Variants in STXBP5L observed in about 807,000 individuals in gnomAD.
STXBP5L encodes syntaxin-binding protein 5-like.
STXBP5L carries 65 observed loss-of-function variants against 144.5 expected under a neutral mutation model. That is an observed-to-expected ratio of 0.45 (90% confidence interval 0.37 to 0.55). The LOEUF is 0.55. Ranked by LOEUF, STXBP5L falls within the 20% of genes least tolerant of loss-of-function variation. STXBP5L has a pLI of 0.00. For missense variants in STXBP5L, 1,298 were observed against 1,405.5 expected (o/e 0.92, Z 1.22); for synonymous variants, 505 against 469.6 (o/e 1.08, Z -0.97).
chr3:120,952,525 C>CT (rs1376337452), intron 2 of STXBP5L, among the ~76,000 whole-genome samples: 2 of 151,670 alleles, frequency 1.3e-5, no homozygotes, highest in Non-Finnish European at 2.9e-5. Context: ...TAATATTTCA[C>CT]TTTTAAGTCC....
At position 121,070,139 on chromosome 3, in the gene STXBP5L, G is replaced by A. The variant is rs553762519; in HGVS notation, c.470+24604G>A. Among the ~76,000 whole-genome samples the A allele has an allele frequency of 1.1e-4, 17 of 152,326 alleles. No homozygotes were observed. The South Asian group carries it at 3.5e-3, about 32-fold the overall frequency. The stretch of plus-strand genomic sequence containing the variant: ...TGATCACCGGCTCAGCCGGACATAT[G>A]TCCAGAATTCTGAGCCCTGAACAAA... On this transcript the variant is annotated intron_variant, in intron 5 of 26. Transcript: ENST00000471454.
intron 3 of STXBP5L, among the ~76,000 whole-genome samples, chr3:120,975,386 T>C (rs958395670): frequency 6.6e-6 from 1 of 152,190 alleles, no homozygotes; most frequent in Admixed American, 6.5e-5. Flanking sequence ...TTTTTGCACA[T>C]TGATTTTGTA....
At chr3:121,113,475 G>C (rs1378036799) in intron 5 of STXBP5L, among the ~76,000 whole-genome samples, 1 of 151,998 alleles carries the variant, frequency 6.6e-6, no homozygotes, top group East Asian at 1.9e-4. Context: ...CATCATATAG[G>C]CTACACAATT....
In STXBP5L at chr3:121,149,083, G is replaced by C. The variant is rs2045835683; in HGVS notation, c.670-3394G>C. On this transcript the variant is annotated intron_variant, in intron 7 of 26. Transcript: ENST00000471454. ...GAGTGGGAATATTAACTAGGTAAGA[G>C]TACGAAATAGGCTTCTGTGAATGGC... Among the ~76,000 whole-genome samples the C allele has an allele frequency of 2.6e-5, 4 of 152,026 alleles. No individual in the cohort carries two copies. The South Asian group carries it at 8.3e-4, about 32-fold the overall frequency.
chr3:121,403,518 T>C (rs1362375334), intron 22 of STXBP5L, among the ~76,000 whole-genome samples: 2 of 152,172 alleles, frequency 1.3e-5, no homozygotes, highest in African/African-American at 4.8e-5. Context: ...TATAAATATA[T>C]TGTTATATCT....
chr3:121,424,374 G>T lies in STXBP5L; in HGVS notation c.*5277G>T, dbSNP rs771936453. ...AAGGGTGCTTACACCTTCAAAAAAG[G>T]AGAGTCCAGCCTATCAAAGGCAGTA... is the stretch of plus-strand genomic sequence containing the variant. On this transcript the variant is annotated 3_prime_UTR_variant, in exon 27 of 27. Coordinates refer to ENST00000471454, the MANE Select transcript of STXBP5L (RefSeq NM_001308330.2). 3.3e-5 allele frequency: 5 copies of T among 152,142 alleles called. No individual in the cohort carries two copies. Among genetic ancestry groups the T allele is most frequent in the Non-Finnish European group, 7.3e-5 (5 of 68,036 alleles). 9.4% of individuals were successfully genotyped at this position (152,142 alleles called of 1,614,324 possible).
At chr3:121,202,904 G>T (rs964930895) in intron 9 of STXBP5L, among the ~76,000 whole-genome samples, 1 of 151,756 alleles carries the variant, frequency 6.6e-6, no homozygotes, top group Non-Finnish European at 1.5e-5. Flanking sequence ...AATTCTTAAA[G>T]CATAGATAAT....
chr3:121,014,432 G>T (rs1944997076), intron 3 of STXBP5L, among the ~76,000 whole-genome samples: 1 of 151,906 alleles, frequency 6.6e-6, no homozygotes, highest in Admixed American at 6.6e-5. Flanking sequence ...TTTTCTGTCT[G>T]AGGTATTTCC....
chr3:121,119,602 T>C (rs1337949324), intron 6 of STXBP5L, among the ~76,000 whole-genome samples: 3 of 150,276 alleles, frequency 2.0e-5, no homozygotes, highest in Admixed American at 1.3e-4. Flanking sequence ...ATCTAAAGAA[T>C]TTTTTTTGTA....
intron 9 of STXBP5L, chr3:121,157,961 T>C (rs575605947): frequency 4.7e-6 from 1 of 210,958 alleles, no homozygotes; most frequent in East Asian, 1.6e-4. Flanking sequence ...AGTGAGAGAA[T>C]GGCACTATTT....
chr3:121,297,333 A>G (rs551828709), intron 19 of STXBP5L, among the ~76,000 whole-genome samples: 1 of 152,258 alleles, frequency 6.6e-6, no homozygotes, highest in South Asian at 2.1e-4. Context: ...AAATTAGAAA[A>G]CATGCAAAGA....
At chr3:121,250,390 C>A (rs1397757273) in intron 14 of STXBP5L, among the ~76,000 whole-genome samples, 1 of 151,882 alleles carries the variant, frequency 6.6e-6, no homozygotes, top group African/African-American at 2.4e-5. Flanking sequence ...TCAAAATTAT[C>A]TATCCTTTTA....
chr3:121,298,813 T>A (rs370854761), intron 19 of STXBP5L, among the ~76,000 whole-genome samples: 11 of 152,224 alleles, frequency 7.2e-5, no homozygotes, highest in African/African-American at 2.2e-4. Flanking sequence ...TTATACAAGA[T>A]GAACAAGTTC....
At chr3:121,276,228 T>G (rs1011137871) in intron 18 of STXBP5L, among the ~76,000 whole-genome samples, 7 of 152,008 alleles carry the variant, frequency 4.6e-5, no homozygotes, top group African/African-American at 1.7e-4. Flanking sequence ...ATCAAATAAG[T>G]AGATAAATAA....
At chr3:121,346,799 G>C (rs1464450044) in intron 20 of STXBP5L, among the ~76,000 whole-genome samples, 1 of 152,132 alleles carries the variant, frequency 6.6e-6, no homozygotes, top group African/African-American at 2.4e-5. Context: ...TGATGGAGTT[G>C]TTTGTTGTTT....
At chr3:121,034,807 C>G (rs1219774619) in intron 3 of STXBP5L, among the ~76,000 whole-genome samples, 1 of 152,122 alleles carries the variant, frequency 6.6e-6, no homozygotes, top group Non-Finnish European at 1.5e-5. Context: ...ACACTATTTT[C>G]CACAGAGTTT....
chr3:121,140,999 A>T (rs1389392032), intron 7 of STXBP5L, among the ~76,000 whole-genome samples: 1 of 152,172 alleles, frequency 6.6e-6, no homozygotes, highest in African/African-American at 2.4e-5. Context: ...TATATGTGAT[A>T]AAAACATACA....
chr3:121,222,453 C>A (rs1459696606), intron 10 of STXBP5L, among the ~76,000 whole-genome samples: 1 of 152,154 alleles, frequency 6.6e-6, no homozygotes, highest in Admixed American at 6.6e-5. Context: ...CCTTCTCTTA[C>A]ATATTAGCTT....
intron 5 of STXBP5L, chr3:121,099,128 C>T (rs1313381683): frequency 6.6e-6 from 1 of 152,178 alleles, no homozygotes; most frequent in African/African-American, 2.4e-5. Flanking sequence ...TTGATTTGTC[C>T]TGTGGCTTCC....
Sources: gnomAD v4.1 joint callset for allele counts (sites outside exome capture counted in the v4.1 genomes callset) on GRCh38, gnomAD v4.1.1 for gene constraint, MANE v1.5 for transcripts, NCBI Gene and HGNC (gene_info 2026-07-23, HGNC 2026-07-21) for gene names.